Variants in TMF1 observed in about 807,000 individuals in gnomAD.
The protein encoded by TMF1 is TATA element modulatory factor 1.
In TMF1, 71 loss-of-function variants were observed where a neutral mutation model predicts 126.5. That is an observed-to-expected ratio of 0.56 (90% CI 0.46 to 0.68). The LOEUF (loss-of-function observed/expected upper bound fraction) is 0.68, where lower values mean the gene tolerates loss of function less well. Ranked by LOEUF, TMF1 falls within the 30% of genes least tolerant of loss-of-function variation. The pLI is 0.00. For synonymous variants in TMF1, 461 were observed against 430.5 expected (o/e 1.07, Z -0.88); for missense variants, 1,259 against 1,253.2 (o/e 1.00, Z -0.07).
intron 6 of TMF1, among the ~76,000 whole-genome samples, chr3:69,039,240 C>G (rs2091850089): frequency 6.6e-6 from 1 of 152,150 alleles, no homozygotes; most frequent in Non-Finnish European, 1.5e-5. Flanking sequence ...TGTGCACCAC[C>G]ACGCCCGGCT....
chr3:69,052,191 G>T lies in TMF1; in HGVS notation c.-105C>A. On this transcript the variant is annotated 5_prime_UTR_variant, in exon 1 of 17. Transcript: ENST00000398559. The stretch of plus-strand genomic sequence containing the variant: ...CTTCGCTCCCCTTTTCCACTCGGCT[G>T]GTTCTGTCAGCGTGTGGCCATTACC... 7.6e-7 allele frequency: 1 copy of T among 1,318,076 alleles called. No individual in the cohort carries two copies. Among genetic ancestry groups the T allele is most frequent in the Non-Finnish European group, 1.0e-6 (1 of 983,692 alleles). 81.6% of individuals were successfully genotyped at this position (1,318,076 alleles called of 1,614,324 possible).
chr3:69,046,445 T>C (rs2091896713), intron 2 of TMF1, among the ~76,000 whole-genome samples: 2 of 152,220 alleles, frequency 1.3e-5, no homozygotes, highest in Non-Finnish European at 2.9e-5. Context: ...TATATAGCTA[T>C]TACTAATTGA....
chr3:69,051,734 G>A (rs921085612), intron 1 of TMF1, among the ~76,000 whole-genome samples: 1 of 152,154 alleles, frequency 6.6e-6, no homozygotes, highest in Non-Finnish European at 1.5e-5. Flanking sequence ...ACCAAAGAAA[G>A]ACAAGGGGGA....
Position 69,048,545 on chromosome 3 carries a change from T to C in TMF1, c.160A>G (p.Ser54Gly). The C allele has an allele frequency of 6.3e-7, 1 of 1,598,676 alleles. No homozygotes were observed. The highest frequency in any genetic ancestry group is 8.5e-7 in the Non-Finnish European group (1 of 1,172,744). Residue 54 changes from serine (S) to glycine (G), a missense_variant, in exon 2 of 17, where the codon AGT becomes GGT. By Grantham distance (56) the Ser-to-Gly change is moderately conservative. Coordinates refer to ENST00000398559, the MANE Select transcript of TMF1 (RefSeq NM_007114.3). The stretch of plus-strand genomic sequence containing the variant: ...CAGGTTGAAGTATCCCATCCTCCAC[T>C]GACAGGGGAACTTATTCCTTTAACA... ...YGEPGISSPV[S>G]GGWDTSTWGL...
intron 8 of TMF1, 89 bp downstream of exon 8, chr3:69,038,475 T>C (rs2091844814): frequency 7.1e-7 from 1 of 1,399,014 alleles, no homozygotes; most frequent in Admixed American, 2.0e-5. Context: ...TATCACTACA[T>C]TGTTTGATTC....
At chr3:69,044,655 A>G in intron 2 of TMF1, 60 bp from the exon 3 acceptor site, 4 of 1,032,668 alleles carry the variant, frequency 3.9e-6, no homozygotes, top group Non-Finnish European at 5.9e-6. Flanking sequence ...CCATTTTTAC[A>G]TGCAGGTGTA....
At chr3:69,039,755 T>C (rs1435238514) in intron 5 of TMF1, 62 bp from the exon 6 acceptor site, 27 of 1,520,764 alleles carry the variant, frequency 1.8e-5, no homozygotes, top group South Asian at 3.8e-5. Flanking sequence ...CTCAATAGAA[T>C]GTTTTATCTA....
At chr3:69,042,301 G>A in intron 5 of TMF1, 1 of 454,644 alleles carries the variant, frequency 2.2e-6, no homozygotes, top group South Asian at 1.6e-5. Context: ...GCCTCCCCAA[G>A]TGCTGAGATT....
At chr3:69,040,179 C>T (rs1197244151) in intron 5 of TMF1, among the ~76,000 whole-genome samples, 1 of 152,110 alleles carries the variant, frequency 6.6e-6, no homozygotes, top group Admixed American at 6.6e-5. Context: ...CTACAGAGTC[C>T]TCAAAGACAT....
Position 69,023,315 on chromosome 3 carries a change from CA to C in TMF1, c.3143del (p.Leu1048TrpfsTer24). The C allele has an allele frequency of 6.2e-7, 1 of 1,603,380 alleles. No homozygotes were observed. Among genetic ancestry groups the C allele is most frequent in the Non-Finnish European group, 8.5e-7 (1 of 1,176,352 alleles). Reference sequence around the variant, plus strand: ...GCAGAATAGTGTTGTACCTTTGATCCAAATCCTGAAAAATGTATTTGTTTAC... The same window carrying C: ...GCAGAATAGTGTTGTACCTTTGATCCAATCCTGAAAAATGTATTTGTTTAC... The part of the protein sequence containing the change: ...IPKLRTQLRD[L>X]DQRYNTILQM... On this transcript the variant is annotated frameshift_variant, in exon 17 of 17. Transcript: ENST00000398559. LOFTEE classifies it high-confidence loss of function.
intron 1 of TMF1, among the ~76,000 whole-genome samples, chr3:69,051,096 G>A (rs1240034191): frequency 1.3e-5 from 2 of 152,172 alleles, no homozygotes; most frequent in African/African-American, 4.8e-5. Context: ...CCTAGAGCAA[G>A]TTACTTGGCC....
At position 69,026,035 on chromosome 3, in the gene TMF1, A is replaced by C; in HGVS notation, c.2820T>G (p.Gly940=). The change falls in exon 14 of 17, where the codon GGT becomes GGG. Residue 940 remains glycine (G), a synonymous_variant. Transcript: ENST00000398559. The part of the protein sequence containing the change: ...PTMSRSSSIS[G]VDMAGLQTSF... ...ATGTCTGTAGTCCTGCCATATCAAC[A>C]CCACTTATTGAACTTGAGCGTGACA... The C allele has an allele frequency of 6.2e-7, 1 of 1,614,138 alleles. No individual in the cohort carries two copies. The highest frequency in any genetic ancestry group is 8.5e-7 in the Non-Finnish European group (1 of 1,179,998).
At chr3:69,024,543 G>A (rs1191464166) in intron 15 of TMF1, 1 of 162,088 alleles carries the variant, frequency 6.2e-6, no homozygotes, top group East Asian at 1.8e-4. Context: ...AGCCCCACCT[G>A]TGTAGGTTGT....
chr3:69,031,210 G>T (rs1268103408), intron 10 of TMF1, among the ~76,000 whole-genome samples: 4 of 152,120 alleles, frequency 2.6e-5, no homozygotes, highest in African/African-American at 9.7e-5. Context: ...AGAAACAGAG[G>T]ACAGATTAGT....
At chr3:69,030,280 A>G (rs1186086726) in intron 10 of TMF1, 1 of 303,754 alleles carries the variant, frequency 3.3e-6, no homozygotes, top group African/African-American at 2.1e-5. Flanking sequence ...TCCTGGAGCA[A>G]CTGGACAGCT....
At chr3:69,025,872 C>T (rs1258951356) in intron 14 of TMF1, 124 bp downstream of exon 14, 2 of 1,125,502 alleles carry the variant, frequency 1.8e-6, no homozygotes, top group African/African-American at 3.1e-5. Context: ...TAGCACTCCT[C>T]CACAAGTATT....
Position 69,044,538 on chromosome 3 carries a change from T to G in TMF1, c.1405A>C (p.Ser469Arg). 6.2e-7 allele frequency: 1 copy of G among 1,608,812 alleles called. No homozygotes were observed. Among genetic ancestry groups the G allele is most frequent in the Non-Finnish European group, 8.5e-7 (1 of 1,178,490 alleles). ...TCTTCTAGAAGTGCTTTTTCCTTAC[T>G]AAGAGATAATAACTGAGCCTCCCTT... The part of the protein sequence containing the change: ...EKREAQLLSL[S>R]KEKALLEEAF... The change falls in exon 3 of 17, where the codon AGT becomes CGT. Residue 469 changes from serine (S) to arginine (R), a missense_variant. Physicochemically the swap from Ser to Arg is moderately radical, Grantham distance 110. Coordinates refer to ENST00000398559, the MANE Select transcript of TMF1 (RefSeq NM_007114.3).
Position 69,048,073 on chromosome 3 carries a change from G to C in TMF1, c.632C>G (p.Ser211Cys), listed in dbSNP as rs776807922. ...IDVKTTMESI[S>C]NTSTQSLTAE... ...TGTGAGAGACTGCGTAGACGTATTA[G>C]ATATACTTTCCATAGTTGTTTTCAC... is the stretch of plus-strand genomic sequence containing the variant. The change falls in exon 2 of 17, where the codon TCT becomes TGT. Residue 211 changes from serine (S) to cysteine (C), a missense_variant. By Grantham distance (112) the Ser-to-Cys change is moderately radical (BLOSUM62 -1). Transcript: ENST00000398559. 1 of 1,614,134 alleles carries C rather than the reference G, an allele frequency of 6.2e-7. No homozygotes were observed. Among genetic ancestry groups the C allele is most frequent in the African/African-American group, 1.3e-5 (1 of 75,056 alleles).
At chr3:69,033,779 T>C in intron 9 of TMF1, 75 bp from the exon 10 acceptor site, 7 of 1,305,758 alleles carry the variant, frequency 5.4e-6, no homozygotes, top group Non-Finnish European at 7.3e-6. Flanking sequence ...ACCTGAACTT[T>C]GAGAGGTTCC....
Sources: gnomAD v4.1 joint callset for allele counts (sites outside exome capture counted in the v4.1 genomes callset) on GRCh38, gnomAD v4.1.1 for gene constraint, MANE v1.5 for transcripts, NCBI Gene and HGNC (gene_info 2026-07-23, HGNC 2026-07-21) for gene names.